The following DNAH14 variants were observed in gnomAD, a reference collection of about 807,000 sequenced individuals.
DNAH14 encodes the protein axonemal beta dynein heavy chain 14.
DNAH14 carries 478 observed loss-of-function variants against 520.9 expected under a neutral mutation model. The observed-to-expected ratio is 0.92, with a 90% CI of 0.85 to 0.99. The LOEUF (loss-of-function observed/expected upper bound fraction) is 0.99, where lower values mean the gene tolerates loss of function less well. DNAH14 is among the 50% of genes least tolerant of loss of function. DNAH14 has a pLI of 0.00. For synonymous variants in DNAH14, 1,581 were observed against 1,757.2 expected (o/e 0.90, Z 2.51); for missense variants, 4,831 against 5,234.5 (o/e 0.92, Z 2.38).
chr1:225,101,064 T>C (rs2075402508), intron 23 of DNAH14, among the ~76,000 whole-genome samples, 180 bp downstream of exon 23: 1 of 152,134 alleles, frequency 6.6e-6, no homozygotes, highest in African/African-American at 2.4e-5. Flanking sequence ...AGGAAAAGTG[T>C]ATGGACTAAT....
chr1:225,110,526 CT>C, intron 23 of DNAH14, among the ~76,000 whole-genome samples: 1 of 151,210 alleles, frequency 6.6e-6, no homozygotes, highest in Middle Eastern at 3.4e-3. Flanking sequence ...GTCATGTCTC[CT>C]TTTTTATCTC....
At chr1:225,169,669 G>A (rs1396616021) in intron 36 of DNAH14, among the ~76,000 whole-genome samples, 4 of 152,168 alleles carry the variant, frequency 2.6e-5, no homozygotes, top group Non-Finnish European at 5.9e-5. Context: ...AAGTGATGGG[G>A]AGAATGGAAC....
rs2060257796 is a variant in DNAH14 at position 224,952,742 on chromosome 1, C to G, written c.40C>G (p.Gln14Glu). ...ACCCATTGATTTGACAACTGAAAATCAAGAGATGGACAAGGAGGAAACCAA... is the reference window on the plus strand; with the variant it reads ...ACCCATTGATTTGACAACTGAAAATGAAGAGATGGACAAGGAGGAAACCAA... Reference protein sequence around the residue: ...FIPIDLTTENQEMDKEETKTK... With the variant: ...FIPIDLTTENEEMDKEETKTK... Residue 14 changes from glutamine (Q) to glutamate (E), a missense_variant, in exon 2 of 86, where the codon CAA becomes GAA. By Grantham distance (29) the Gln-to-Glu change is conservative. Transcript: ENST00000682510. The G allele has an allele frequency of 1.2e-6, 2 of 1,602,902 alleles. No individual in the cohort carries two copies. Among genetic ancestry groups the G allele is most frequent in the Non-Finnish European group, 8.5e-7 (1 of 1,175,006 alleles).
At chr1:224,974,197 G>T in intron 8 of DNAH14, 44 bp downstream of exon 8, 1 of 1,321,752 alleles carries the variant, frequency 7.6e-7, no homozygotes, top group Non-Finnish European at 1.0e-6. Context: ...AAAGGAAGCT[G>T]TATGTTTTAC....
In DNAH14 at chr1:225,043,898, T is replaced by G; in HGVS notation, c.1827T>G (p.Phe609Leu). Residue 609 changes from phenylalanine to leucine, a missense_variant, in exon 15 of 86, where the codon TTT becomes TTG. Physicochemically the swap from Phe to Leu is conservative, Grantham distance 22 (BLOSUM62 0). Coordinates refer to ENST00000682510, the MANE Select transcript of DNAH14 (RefSeq NM_001367479.1). ...NKYMYYEFPE[F>L]PTNLFIDPNR... ...TTTTCTCTGTTAGATTTCCAGAATT[T>G]CCTACAAATCTCTTTATAGATCCCA... 6.6e-7 allele frequency: 1 copy of G among 1,526,334 alleles called. No homozygotes were observed. The highest frequency in any genetic ancestry group is 8.9e-7 in the Non-Finnish European group (1 of 1,128,812). The allele number at this position is 1,526,334 out of a possible 1,614,324, so 94.5% of individuals were successfully genotyped here.
intron 64 of DNAH14, among the ~76,000 whole-genome samples, chr1:225,329,905 G>A (rs2094757079): frequency 6.6e-6 from 1 of 152,088 alleles, no homozygotes; most frequent in African/African-American, 2.4e-5. Flanking sequence ...CTACCCATCT[G>A]ACAAGGGATG....
chr1:225,130,441 C>A (rs1227168545), intron 27 of DNAH14, among the ~76,000 whole-genome samples: 2 of 151,578 alleles, frequency 1.3e-5, no homozygotes, highest in South Asian at 2.1e-4. Context: ...AATGATAGAC[C>A]GAATTAAGAA....
At chr1:225,056,905 C>G (rs1030218760) in intron 17 of DNAH14, among the ~76,000 whole-genome samples, 1 of 152,138 alleles carries the variant, frequency 6.6e-6, no homozygotes, top group Non-Finnish European at 1.5e-5. Context: ...TGTTTTGGTA[C>G]CAGTACCATG....
At chr1:225,350,843 C>T (rs2095355193) in intron 71 of DNAH14, among the ~76,000 whole-genome samples, 1 of 152,074 alleles carries the variant, frequency 6.6e-6, no homozygotes, top group Non-Finnish European at 1.5e-5. Flanking sequence ...TCCTGAAGCT[C>T]TTTCAAAAAA....
At chr1:225,247,881 C>T (rs1479063761) in intron 43 of DNAH14, among the ~76,000 whole-genome samples, 2 of 151,928 alleles carry the variant, frequency 1.3e-5, no homozygotes, top group Admixed American at 6.6e-5. Flanking sequence ...TAGCCAGGCA[C>T]GGTGGCGGGC....
intron 46 of DNAH14, 51 bp from the exon 47 acceptor site, chr1:225,264,146 C>T: frequency 7.1e-7 from 1 of 1,406,984 alleles, no homozygotes; most frequent in Non-Finnish European, 9.8e-7. Context: ...GTTTAATATA[C>T]CTATTATGGT....
chr1:225,281,549 TG>T (rs1187496921), intron 54 of DNAH14, among the ~76,000 whole-genome samples: 2 of 152,170 alleles, frequency 1.3e-5, no homozygotes, highest in Admixed American at 1.3e-4. Flanking sequence ...TTGTGGGGAA[TG>T]GGGGTGGCAG....
chr1:224,974,167 C>A lies in DNAH14; in HGVS notation c.830+14C>A. On this transcript the variant is annotated intron_variant, in intron 8 of 85. Transcript: ENST00000682510. ...AGAGAAGAGCAGGTAAGTTTTGATA[C>A]GCAATATATAAAAATTTCAAAAGGA... 8 of 1,428,956 alleles carry A rather than the reference C, an allele frequency of 5.6e-6. No homozygotes were observed. The highest frequency in any genetic ancestry group is 2.6e-5 in the Admixed American group (1 of 38,198). The allele number at this position is 1,428,956 out of a possible 1,614,324, so 88.5% of individuals were successfully genotyped here.
At chr1:225,015,537 CTGAG>C (rs1161756331) in intron 10 of DNAH14, among the ~76,000 whole-genome samples, 1 of 152,046 alleles carries the variant, frequency 6.6e-6, no homozygotes, top group Admixed American at 6.5e-5. Flanking sequence ...TAAGACTCTC[CTGAG>C]TATTTCTTGT....
chr1:225,126,439 A>G (rs1016273451), intron 27 of DNAH14, among the ~76,000 whole-genome samples: 6 of 152,008 alleles, frequency 3.9e-5, no homozygotes, highest in Non-Finnish European at 8.8e-5. Context: ...GTCTTGGAAG[A>G]GTGTATGTGT....
At chr1:225,194,767 T>G (rs2085914370) in intron 38 of DNAH14, among the ~76,000 whole-genome samples, 1 of 151,862 alleles carries the variant, frequency 6.6e-6, no homozygotes, top group African/African-American at 2.4e-5. Flanking sequence ...AAACTGTGTA[T>G]CCGATAAAAA....
At chr1:225,180,283 C>T (rs1168053307) in intron 36 of DNAH14, among the ~76,000 whole-genome samples, 1 of 152,206 alleles carries the variant, frequency 6.6e-6, no homozygotes, top group Non-Finnish European at 1.5e-5. Flanking sequence ...ACGTCATGAG[C>T]ATCCTTCATT....
chr1:225,055,077 G>C (rs572751118), intron 17 of DNAH14, among the ~76,000 whole-genome samples: 2 of 151,430 alleles, frequency 1.3e-5, no homozygotes, highest in Non-Finnish European at 2.9e-5. Context: ...CATTTTGGGA[G>C]TTTTATTCTA....
intron 17 of DNAH14, among the ~76,000 whole-genome samples, chr1:225,062,934 C>T (rs548407984): frequency 6.6e-6 from 1 of 151,982 alleles, no homozygotes; most frequent in Non-Finnish European, 1.5e-5. Flanking sequence ...ACTGACAATG[C>T]TTGGTTGTCA....
Sources: gnomAD v4.1 joint callset for allele counts (sites outside exome capture counted in the v4.1 genomes callset) on GRCh38, gnomAD v4.1.1 for gene constraint, MANE v1.5 for transcripts, NCBI Gene and HGNC (gene_info 2026-07-23, HGNC 2026-07-21) for gene names.